SNTG1: variants seen among roughly 807,000 people sequenced by gnomAD.
SNTG1 encodes the protein gamma-1-syntrophin.
In SNTG1, 39 loss-of-function variants were observed where a neutral mutation model predicts 74.7. The observed-to-expected ratio is 0.52, with a 90% CI of 0.40 to 0.68. The LOEUF is 0.68. Among genes scored for constraint, SNTG1 ranks in the 30% least tolerant of loss-of-function variants. The pLI, the probability that SNTG1 is intolerant of heterozygous loss-of-function variation, is 0.00. For synonymous variants in SNTG1, 254 were observed against 217.1 expected, an observed-to-expected ratio of 1.17 and a Z score of -1.49; for missense variants, 685 against 609.5, an observed-to-expected ratio of 1.12 and a Z score of -1.30.
At position 50,673,320 on chromosome 8, in the gene SNTG1, T is replaced by A. The variant is rs571944883; in HGVS notation, c.1038+14657T>A. Among the ~76,000 whole-genome samples, 12 of 152,306 alleles carry A rather than the reference T, an allele frequency of 7.9e-5. No homozygotes were observed. In the South Asian group the frequency reaches 2.5e-3, roughly 32 times the overall value. Reference sequence around the variant, plus strand: ...CTTCTTATCCATGAGGATGGAATATTTTTCCATTTGTTTGTGTCCTCTCTT... The same window carrying A: ...CTTCTTATCCATGAGGATGGAATATATTTCCATTTGTTTGTGTCCTCTCTT... On this transcript the variant is annotated intron_variant, in intron 15 of 18. Coordinates refer to ENST00000642720, the MANE Select transcript of SNTG1 (RefSeq NM_018967.5).
Position 50,638,661 on chromosome 8 carries a change from T to C in SNTG1, c.850-18248T>C, listed in dbSNP as rs546851471. 3.9e-5 allele frequency among the ~76,000 whole-genome samples: 6 copies of C among 152,004 alleles called. No individual in the cohort carries two copies. The South Asian group carries it at 8.3e-4, about 21-fold the overall frequency. ...TGAGGTTTTAAGGTATTCTTGAGAG[T>C]CTTCTTGAGATTCTGTGAATACATC... is the stretch of plus-strand genomic sequence containing the variant. On this transcript the variant is annotated intron_variant, in intron 13 of 18. Transcript: ENST00000642720.
intron 2 of SNTG1, among the ~76,000 whole-genome samples, chr8:50,296,514 C>A (rs2089381454): frequency 6.6e-6 from 1 of 152,066 alleles, no homozygotes; most frequent in Admixed American, 6.6e-5. Flanking sequence ...AACACAGAAA[C>A]TGAAAACTAA....
At chr8:50,649,906 T>A (rs1042030029) in intron 13 of SNTG1, among the ~76,000 whole-genome samples, 2 of 151,964 alleles carry the variant, frequency 1.3e-5, no homozygotes, top group African/African-American at 4.8e-5. Context: ...TATTTAAAAG[T>A]TTTGTGTTTT....
chr8:50,603,524 A>AT (rs200297979), intron 13 of SNTG1, among the ~76,000 whole-genome samples: 16 of 151,830 alleles, frequency 1.1e-4, no homozygotes, highest in South Asian at 2.1e-4. Flanking sequence ...TGTCTTATTT[A>AT]TTTTTTTTGG....
At chr8:50,555,591 G>T (rs1054425000) in intron 12 of SNTG1, among the ~76,000 whole-genome samples, 8 of 152,124 alleles carry the variant, frequency 5.3e-5, no homozygotes, top group African/African-American at 1.9e-4. Context: ...CTTATGGAAA[G>T]ATGTAGACCT....
intron 1 of SNTG1, among the ~76,000 whole-genome samples, chr8:49,990,376 T>C (rs917789306): frequency 4.6e-5 from 7 of 152,046 alleles, no homozygotes; most frequent in African/African-American, 1.7e-4. Context: ...ATACAATCTT[T>C]ATTAGATTCT....
At chr8:49,921,686 G>C (rs529574726) in intron 1 of SNTG1, among the ~76,000 whole-genome samples, 2 of 152,072 alleles carry the variant, frequency 1.3e-5, no homozygotes, top group Admixed American at 6.6e-5. Flanking sequence ...GGTGATTAAG[G>C]TCTAGTGATT....
upstream of SNTG1, among the ~76,000 whole-genome samples, chr8:49,910,433 C>T (rs1408446390): frequency 6.6e-6 from 1 of 152,200 alleles, no homozygotes; most frequent in Non-Finnish European, 1.5e-5. Flanking sequence ...GTTACAGTCT[C>T]GCTCTTTCCA....
intron 2 of SNTG1, among the ~76,000 whole-genome samples, chr8:50,182,713 C>T (rs930680815): frequency 6.6e-6 from 1 of 152,048 alleles, no homozygotes; most frequent in African/African-American, 2.4e-5. Flanking sequence ...TTGGTCACTT[C>T]TTCCAGCTTC....
At chr8:50,290,038 T>C (rs2089007066) in intron 2 of SNTG1, among the ~76,000 whole-genome samples, 1 of 152,160 alleles carries the variant, frequency 6.6e-6, no homozygotes, top group African/African-American at 2.4e-5. Context: ...ATTTTCAACT[T>C]GAAGGATTCT....
intron 2 of SNTG1, among the ~76,000 whole-genome samples, chr8:50,193,437 A>T (rs1000920004): frequency 6.6e-6 from 1 of 151,974 alleles, no homozygotes; most frequent in Non-Finnish European, 1.5e-5. Context: ...CAGCTATAGT[A>T]AAAAGGGTTG....
chr8:50,560,804 C>T (rs936869230), intron 12 of SNTG1, among the ~76,000 whole-genome samples: 3 of 152,076 alleles, frequency 2.0e-5, no homozygotes, highest in Non-Finnish European at 4.4e-5. Context: ...GGGCAGCAAA[C>T]CACCATGGCA....
chr8:49,916,441 A>T (rs529404047), intron 1 of SNTG1, among the ~76,000 whole-genome samples: 1 of 152,146 alleles, frequency 6.6e-6, no homozygotes, highest in Non-Finnish European at 1.5e-5. Context: ...ATTTTTTTTC[A>T]AAAAGAGTGT....
At chr8:50,103,991 AT>A (rs1361614678) in intron 1 of SNTG1, among the ~76,000 whole-genome samples, 3 of 152,176 alleles carry the variant, frequency 2.0e-5, no homozygotes, top group Non-Finnish European at 4.4e-5. Flanking sequence ...TTTTGCATCA[AT>A]GTTCATCAGG....
At chr8:50,317,885 T>A (rs368536549) in intron 2 of SNTG1, among the ~76,000 whole-genome samples, 2 of 152,084 alleles carry the variant, frequency 1.3e-5, no homozygotes, top group Non-Finnish European at 2.9e-5. Context: ...CGCCCAGGCT[T>A]GAGTGCAGTG....
intron 15 of SNTG1, among the ~76,000 whole-genome samples, chr8:50,687,361 G>C (rs944194043): frequency 6.6e-6 from 1 of 152,072 alleles, no homozygotes; most frequent in African/African-American, 2.4e-5. Flanking sequence ...ATGAATGAAT[G>C]GATAAAAACA....
chr8:50,411,171 G>A (rs1004744002), intron 4 of SNTG1, among the ~76,000 whole-genome samples: 3 of 151,996 alleles, frequency 2.0e-5, no homozygotes, highest in East Asian at 1.9e-4. Context: ...AAGGAAGGCC[G>A]GGTGCGGTGG....
intron 13 of SNTG1, among the ~76,000 whole-genome samples, chr8:50,641,297 A>G (rs1329065847): frequency 1.3e-5 from 2 of 152,116 alleles, no homozygotes; most frequent in African/African-American, 4.8e-5. Flanking sequence ...CCCATTCTCA[A>G]AAGATAATTC....
intron 1 of SNTG1, among the ~76,000 whole-genome samples, chr8:50,153,456 C>T (rs1386424477): frequency 6.6e-6 from 1 of 152,166 alleles, no homozygotes; most frequent in Non-Finnish European, 1.5e-5. Context: ...GAGCTGTGTT[C>T]CTTTGGAGGG....
Sources: allele counts gnomAD v4.1 joint callset (sites outside exome capture counted in the v4.1 genomes callset), GRCh38; gene constraint gnomAD v4.1.1; transcripts MANE v1.5; gene names NCBI Gene and HGNC (gene_info 2026-07-23, HGNC 2026-07-21).